Variants in LPAR1 observed in about 807,000 individuals in gnomAD.
LPAR1 encodes the protein lysophosphatidic acid receptor 1.
LPAR1 carries 5 observed loss-of-function variants against 23.8 expected under a neutral mutation model. The observed-to-expected ratio is 0.21, with a 90% confidence interval of 0.11 to 0.44. The LOEUF is 0.44. LPAR1 is among the 20% of genes least tolerant of loss of function. The probability of loss-of-function intolerance (pLI) is 0.99; values close to 1 mark genes in which losing one functional copy is unlikely to be tolerated. For missense variants in LPAR1, 311 were observed against 482.8 expected (o/e 0.64, Z 3.33); for synonymous variants, 160 against 164.7 (o/e 0.97, Z 0.22).
intron 5 of LPAR1, among the ~76,000 whole-genome samples, chr9:110,904,764 C>T (rs759881974): frequency 6.6e-6 from 1 of 152,178 alleles, no homozygotes; most frequent in Non-Finnish European, 1.5e-5. Context: ...ACAACCTGGA[C>T]CACACCCAGT....
At chr9:110,977,903 G>GGAAGGAAA (rs1322036501) in intron 2 of LPAR1, among the ~76,000 whole-genome samples, 1,131 of 99,240 alleles carry the variant, frequency 0.011, 109 homozygotes, top group Non-Finnish European at 0.018. Context: ...AAGGAAGGAA[G>GGAAGGAAA]GAAGGAAAGA....
intron 2 of LPAR1, among the ~76,000 whole-genome samples, chr9:111,029,965 G>A (rs1434944480): frequency 7.0e-6 from 1 of 143,006 alleles, no homozygotes; most frequent in Non-Finnish European, 1.5e-5. Context: ...TGAGGCAAGA[G>A]AATTGCTTGA....
At chr9:110,952,906 G>T (rs530754936) in intron 4 of LPAR1, among the ~76,000 whole-genome samples, 7 of 152,238 alleles carry the variant, frequency 4.6e-5, no homozygotes, top group Admixed American at 1.3e-4. Context: ...GGATCACCCT[G>T]CCCCAACCAC....
At chr9:111,003,594 GTAAGA>G (rs2097167048) in intron 2 of LPAR1, among the ~76,000 whole-genome samples, 1 of 152,154 alleles carries the variant, frequency 6.6e-6, no homozygotes, top group Non-Finnish European at 1.5e-5. Flanking sequence ...TTTGGGGAGG[GTAAGA>G]TAAGTACAGT....
intron 5 of LPAR1, among the ~76,000 whole-genome samples, chr9:110,939,985 C>G (rs2094977568): frequency 6.6e-6 from 1 of 152,216 alleles, no homozygotes; most frequent in South Asian, 2.1e-4. Flanking sequence ...TTATCCACAT[C>G]ATGGAAAATG....
intron 2 of LPAR1, among the ~76,000 whole-genome samples, chr9:111,032,086 T>C (rs1243601282): frequency 6.6e-6 from 1 of 152,142 alleles, no homozygotes; most frequent in Non-Finnish European, 1.5e-5. Flanking sequence ...GCCTACTGAA[T>C]ATGGAAGAAA....
chr9:110,942,587 T>C (rs928065472), intron 4 of LPAR1, among the ~76,000 whole-genome samples: 4 of 152,256 alleles, frequency 2.6e-5, no homozygotes, highest in African/African-American at 9.6e-5. Context: ...TAGGGTATCA[T>C]TGCCCTATTA....
At chr9:110,897,503 C>A (rs1304957986) in intron 5 of LPAR1, among the ~76,000 whole-genome samples, 1 of 152,180 alleles carries the variant, frequency 6.6e-6, no homozygotes, top group Non-Finnish European at 1.5e-5. Flanking sequence ...ACCTTTCAAC[C>A]CCCTTAGCAT....
intron 2 of LPAR1, among the ~76,000 whole-genome samples, chr9:111,013,171 A>G (rs1448637596): frequency 6.6e-6 from 1 of 152,184 alleles, no homozygotes; most frequent in African/African-American, 2.4e-5. Flanking sequence ...GAAGGCCAAA[A>G]GTGCTTGTAA....
At position 110,874,081 on chromosome 9, in the gene LPAR1, G is replaced by T. The variant is rs944050907; in HGVS notation, c.*1340C>A. On this transcript the variant is annotated 3_prime_UTR_variant, in exon 6 of 6. Transcript: ENST00000683809. ...AAGCAGGAAATCCCTTTTCATGAAA[G>T]GTGTAAGTACAAGATGACATTTCAC... The T allele has an allele frequency of 6.6e-6, 1 of 152,496 alleles. No homozygotes were observed. The highest frequency in any genetic ancestry group is 2.4e-5 in the African/African-American group (1 of 41,404). The allele number at this position is 152,496 out of a possible 1,614,324, so 9.4% of individuals were successfully genotyped here.
chr9:111,027,920 C>T (rs897410210), intron 2 of LPAR1, among the ~76,000 whole-genome samples: 46 of 132,132 alleles, frequency 3.5e-4, no homozygotes, highest in African/African-American at 1.2e-3. Context: ...AAGAAGCAAG[C>T]GGAGAAAGGG....
chr9:110,954,551 A>G (rs2095672434), intron 4 of LPAR1, among the ~76,000 whole-genome samples: 1 of 152,204 alleles, frequency 6.6e-6, no homozygotes, highest in Non-Finnish European at 1.5e-5. Context: ...GGACAAACAG[A>G]GAATTATAAA....
intron 2 of LPAR1, among the ~76,000 whole-genome samples, chr9:111,024,340 C>A (rs1017676949): frequency 6.7e-6 from 1 of 149,782 alleles, no homozygotes; most frequent in South Asian, 2.1e-4. Context: ...ATGAAAATGG[C>A]AGCTAATACA....
chr9:110,903,045 C>A (rs1397641436), intron 5 of LPAR1, among the ~76,000 whole-genome samples: 1 of 152,142 alleles, frequency 6.6e-6, no homozygotes, highest in Non-Finnish European at 1.5e-5. Context: ...GGGATGACTG[C>A]CTACTAAAAC....
intron 5 of LPAR1, among the ~76,000 whole-genome samples, chr9:110,899,522 G>A (rs1032476737): frequency 1.3e-5 from 2 of 152,150 alleles, no homozygotes; most frequent in Non-Finnish European, 1.5e-5. Context: ...AATGGGAACC[G>A]TAAGTGCAGG....
intron 5 of LPAR1, among the ~76,000 whole-genome samples, chr9:110,919,106 T>C (rs1368181445): frequency 6.6e-6 from 1 of 152,174 alleles, no homozygotes; most frequent in African/African-American, 2.4e-5. Context: ...TGTAATTAAA[T>C]TGACAATAAA....
chr9:110,978,145 AG>A (rs1273835030), intron 2 of LPAR1, among the ~76,000 whole-genome samples: 1 of 152,182 alleles, frequency 6.6e-6, no homozygotes, highest in Non-Finnish European at 1.5e-5. Flanking sequence ...TTAAAATTCC[AG>A]GGGACATAGT....
chr9:110,967,421 T>C (rs977701027), intron 4 of LPAR1, among the ~76,000 whole-genome samples: 4 of 152,228 alleles, frequency 2.6e-5, no homozygotes, highest in Admixed American at 2.6e-4. Context: ...TTCATATTAA[T>C]TCGTTTATAT....
intron 4 of LPAR1, among the ~76,000 whole-genome samples, chr9:110,946,040 T>C (rs1023315083): frequency 2.6e-5 from 4 of 152,200 alleles, no homozygotes; most frequent in African/African-American, 9.6e-5. Context: ...GAAGCCATTA[T>C]TGTGCCTATC....
Sources: allele counts gnomAD v4.1 joint callset (sites outside exome capture counted in the v4.1 genomes callset), GRCh38; gene constraint gnomAD v4.1.1; transcripts MANE v1.5; gene names NCBI Gene and HGNC (gene_info 2026-07-23, HGNC 2026-07-21).